Variants in SEMA3A observed in about 807,000 individuals in gnomAD.
SEMA3A encodes semaphorin 3A, also known as semaphorin-3A.
SEMA3A carries 29 observed loss-of-function variants against 97.9 expected under a neutral mutation model. That is an observed-to-expected ratio of 0.30 (90% CI 0.22 to 0.40). SEMA3A has a LOEUF of 0.40. Ranked by LOEUF, SEMA3A falls within the 10% of genes least tolerant of loss-of-function variation. The pLI is 1.00. For synonymous variants in SEMA3A, 321 were observed against 323.7 expected, an observed-to-expected ratio of 0.99 and a Z score of 0.09; for missense variants, 763 against 951.3, an observed-to-expected ratio of 0.80 and a Z score of 2.60.
intron 1 of SEMA3A, among the ~76,000 whole-genome samples, chr7:84,480,508 G>C (rs1806418131): frequency 6.6e-6 from 1 of 152,120 alleles, no homozygotes; most frequent in Admixed American, 6.6e-5. Context: ...AATTCATAGT[G>C]AATTTTAATA....
intron 3 of SEMA3A, among the ~76,000 whole-genome samples, chr7:84,266,977 A>T (rs1800022883): frequency 1.3e-5 from 2 of 152,168 alleles, no homozygotes; most frequent in African/African-American, 4.8e-5. Context: ...TTGCATTAAA[A>T]TGTATAAAAT....
At chr7:84,048,157 C>T (rs1792434313) in intron 5 of SEMA3A, among the ~76,000 whole-genome samples, 1 of 151,926 alleles carries the variant, frequency 6.6e-6, no homozygotes, top group Non-Finnish European at 1.5e-5. Flanking sequence ...GTGAATTGTT[C>T]TTGTATGTCA....
chr7:84,244,581 G>A (rs552805697), intron 3 of SEMA3A, among the ~76,000 whole-genome samples: 62 of 152,098 alleles, frequency 4.1e-4, no homozygotes, highest in East Asian at 1.6e-3. Context: ...CATTTAGCAC[G>A]TTTACATTTA....
chr7:84,236,105 CATTT>C (rs1799230675), intron 3 of SEMA3A, among the ~76,000 whole-genome samples: 1 of 152,102 alleles, frequency 6.6e-6, no homozygotes, highest in South Asian at 2.1e-4. Context: ...AATTAGAATT[CATTT>C]GTTTCTCTTC....
At chr7:84,248,821 G>T (rs771883608) in intron 3 of SEMA3A, among the ~76,000 whole-genome samples, 1 of 147,842 alleles carries the variant, frequency 6.8e-6, no homozygotes, top group Non-Finnish European at 1.5e-5. Context: ...CTACAAAAAC[G>T]TTCCTTAAGA....
intron 2 of SEMA3A, among the ~76,000 whole-genome samples, chr7:84,370,879 A>T (rs1802956670): frequency 6.6e-6 from 1 of 151,474 alleles, no homozygotes; most frequent in African/African-American, 2.4e-5. Context: ...AAGTTTTTCC[A>T]TGCTAACAAC....
intron 9 of SEMA3A, among the ~76,000 whole-genome samples, chr7:84,007,836 A>G (rs1790728305): frequency 6.6e-6 from 1 of 152,182 alleles, no homozygotes; most frequent in Admixed American, 6.5e-5. Context: ...TCGTGGGGAA[A>G]TTTTTTAAAA....
At chr7:84,466,579 T>G (rs145404313) in intron 1 of SEMA3A, among the ~76,000 whole-genome samples, 81 of 152,346 alleles carry the variant, frequency 5.3e-4, no homozygotes, top group African/African-American at 1.9e-3. Flanking sequence ...AAGTAAGAGA[T>G]AGTTCTATGA....
intron 1 of SEMA3A, among the ~76,000 whole-genome samples, chr7:84,180,407 G>C (rs2116234122): frequency 6.6e-6 from 1 of 152,136 alleles, no homozygotes; most frequent in Middle Eastern, 3.4e-3. Context: ...ACCTGACGAG[G>C]CTGGGTGTGG....
intron 1 of SEMA3A, among the ~76,000 whole-genome samples, chr7:84,165,523 G>A (rs1222338829): frequency 6.6e-6 from 1 of 152,034 alleles, no homozygotes; most frequent in African/African-American, 2.4e-5. Flanking sequence ...GGGCACATGA[G>A]TTCACTTGTA....
At chr7:84,335,693 TACTA>T (rs1171380782) in intron 2 of SEMA3A, among the ~76,000 whole-genome samples, 1 of 152,118 alleles carries the variant, frequency 6.6e-6, no homozygotes, top group African/African-American at 2.4e-5. Flanking sequence ...AGAGTGAATA[TACTA>T]ACTAATTTTG....
chr7:84,089,145 A>G (rs1449621322), intron 4 of SEMA3A, among the ~76,000 whole-genome samples: 1 of 152,156 alleles, frequency 6.6e-6, no homozygotes, highest in African/African-American at 2.4e-5. Context: ...TTTGCAGCAT[A>G]TTGTCAGAGG....
intron 1 of SEMA3A, among the ~76,000 whole-genome samples, chr7:84,374,673 A>T (rs1803055026): frequency 6.6e-6 from 1 of 152,258 alleles, no homozygotes; most frequent in Admixed American, 6.5e-5. Context: ...TTCTAAAAGT[A>T]TTCTTTTAAG....
chr7:84,002,167 C>T, intron 11 of SEMA3A, 121 bp from the exon 12 acceptor site: 1 of 584,114 alleles, frequency 1.7e-6, no homozygotes, highest in East Asian at 3.0e-5. Context: ...CCTTTTAATT[C>T]ATTTTTTGGT....
At chr7:84,324,091 T>C (rs183283840) in intron 2 of SEMA3A, among the ~76,000 whole-genome samples, 62 of 152,320 alleles carry the variant, frequency 4.1e-4, no homozygotes, top group African/African-American at 1.5e-3. Context: ...TAAAATTATC[T>C]GAAGAACTAG....
chr7:84,099,113 C>T (rs1311745611), intron 4 of SEMA3A, among the ~76,000 whole-genome samples: 1 of 52,550 alleles, frequency 1.9e-5, no homozygotes, highest in Non-Finnish European at 6.4e-5. Flanking sequence ...CTCTGTCGCC[C>T]AGGCTGGAGT....
At chr7:84,150,102 T>C (rs1796584373) in intron 1 of SEMA3A, among the ~76,000 whole-genome samples, 1 of 152,232 alleles carries the variant, frequency 6.6e-6, no homozygotes, top group African/African-American at 2.4e-5. Flanking sequence ...TGAAAGTAGT[T>C]TTATGTATTT....
intron 2 of SEMA3A, among the ~76,000 whole-genome samples, chr7:84,355,055 C>A (rs1322267755): frequency 2.6e-5 from 4 of 151,694 alleles, no homozygotes; most frequent in Admixed American, 2.6e-4. Context: ...AGTTAGGATT[C>A]TCTGGGAAAT....
chr7:84,139,617 A>G (rs889561767), intron 1 of SEMA3A, among the ~76,000 whole-genome samples: 2 of 152,200 alleles, frequency 1.3e-5, no homozygotes, highest in Non-Finnish European at 2.9e-5. Flanking sequence ...TATATAAGAC[A>G]ATGAAGACGA....
Sources: gnomAD v4.1 joint callset for allele counts (sites outside exome capture counted in the v4.1 genomes callset) on GRCh38, gnomAD v4.1.1 for gene constraint, MANE v1.5 for transcripts, NCBI Gene and HGNC (gene_info 2026-07-23, HGNC 2026-07-21) for gene names.